The following AZI2 variants were observed in gnomAD, a reference collection of about 807,000 sequenced individuals.
AZI2 encodes 5-azacytidine-induced protein 2.
A neutral mutation model predicts 45.8 loss-of-function variants in AZI2; 22 were observed. That is an observed-to-expected ratio of 0.48 (90% CI 0.34 to 0.69). The LOEUF (loss-of-function observed/expected upper bound fraction) is 0.69, where lower values mean the gene tolerates loss of function less well. AZI2 is among the 30% of genes least tolerant of loss of function. The probability of loss-of-function intolerance (pLI) is 0.01; values close to 1 mark genes in which losing one functional copy is unlikely to be tolerated. For missense variants in AZI2, 417 were observed against 441.5 expected (o/e 0.94, Z 0.50); for synonymous variants, 137 against 156.7 (o/e 0.87, Z 0.94).
At position 28,324,400 on chromosome 3, in the gene AZI2, T is replaced by C; in HGVS notation, c.821A>G (p.His274Arg). Residue 274 changes from histidine to arginine, a missense_variant, in exon 8 of 8, where the codon CAC becomes CGC. By Grantham distance (29) the His-to-Arg change is conservative. Transcript: ENST00000479665. ...GTATGTTGCAGTAAAATTCATCAAGTGCAGTTTTGTGCTGTCTCTTCCAAG... is the reference window on the plus strand; with the variant it reads ...GTATGTTGCAGTAAAATTCATCAAGCGCAGTTTTGTGCTGTCTCTTCCAAG... ...EDLGRDSTKL[H>R]LMNFTATYTR... 1 of 1,546,570 alleles carries C rather than the reference T, an allele frequency of 6.5e-7. No homozygotes were observed. Among genetic ancestry groups the C allele is most frequent in the East Asian group, 2.3e-5 (1 of 44,264 alleles).
At chr3:28,327,064 G>T in intron 6 of AZI2, 114 bp from the exon 7 acceptor site, 1 of 700,888 alleles carries the variant, frequency 1.4e-6, no homozygotes, top group Non-Finnish European at 2.3e-6. Flanking sequence ...TTGAGATGAT[G>T]TAAACTGAAA....
At chr3:28,328,372 G>T (rs1703461305) in intron 6 of AZI2, among the ~76,000 whole-genome samples, 1 of 151,100 alleles carries the variant, frequency 6.6e-6, no homozygotes, top group Non-Finnish European at 1.5e-5. Context: ...TTATATAGCA[G>T]TAAGTGTAAA....
chr3:28,324,103 G>C lies in AZI2; in HGVS notation c.1118C>G (p.Pro373Arg). 6.2e-7 allele frequency: 1 copy of C among 1,610,126 alleles called. No individual in the cohort carries two copies. Among genetic ancestry groups the C allele is most frequent in the Non-Finnish European group, 8.5e-7 (1 of 1,177,324 alleles). ...CAAGTAATGCAGTGGTGGAAGGTTG[G>C]GTAAAGGCAAAGTTTTAGTTTTAGT... ...GETKTKTLPLPNLPPLHYLDQ... is the reference protein window; with the variant it reads ...GETKTKTLPLRNLPPLHYLDQ... Residue 373 changes from proline to arginine, a missense_variant, in exon 8 of 8, where the codon CCC (proline) becomes CGC (arginine). Coordinates refer to ENST00000479665, the MANE Select transcript of AZI2 (RefSeq NM_022461.5).
At chr3:28,331,809 G>T (rs1265441693) in intron 6 of AZI2, 1 of 1,533,116 alleles carries the variant, frequency 6.5e-7, no homozygotes, top group African/African-American at 1.4e-5. Context: ...AAGTAAAAAT[G>T]ATACGTATTT....
At chr3:28,331,290 C>T (rs1209394729) in intron 6 of AZI2, among the ~76,000 whole-genome samples, 1 of 151,138 alleles carries the variant, frequency 6.6e-6, no homozygotes, top group East Asian at 1.9e-4. Context: ...TAAGGGGAAA[C>T]CTAGGTTGAC....
chr3:28,343,718 A>G (rs1293537051), intron 1 of AZI2, among the ~76,000 whole-genome samples: 1 of 152,044 alleles, frequency 6.6e-6, no homozygotes, highest in Non-Finnish European at 1.5e-5. Context: ...CTTAATTAGT[A>G]TGAACCAGGA....
At chr3:28,330,990 C>A (rs1188942767) in intron 6 of AZI2, among the ~76,000 whole-genome samples, 1 of 151,356 alleles carries the variant, frequency 6.6e-6, no homozygotes, top group Non-Finnish European at 1.5e-5. Flanking sequence ...CCTTGGGACT[C>A]AACTTTCCCC....
rs1336740447 is a variant in AZI2, at chr3:28,321,093, A to G, written c.*2949T>C. On this transcript the variant is annotated 3_prime_UTR_variant, in exon 8 of 8. Transcript: ENST00000479665. Reference sequence around the variant, plus strand: ...CAAAAAACTATTTTACTTTTATTTGAAATACAAAGAAACCACATTTTCCCA... The same window carrying G: ...CAAAAAACTATTTTACTTTTATTTGGAATACAAAGAAACCACATTTTCCCA... 1 of 151,352 alleles carries G rather than the reference A, an allele frequency of 6.6e-6. No individual in the cohort carries two copies. The highest frequency in any genetic ancestry group is 1.9e-4 in the East Asian group (1 of 5,154). The allele number at this position is 151,352 out of a possible 1,614,324, so 9.4% of individuals were successfully genotyped here. A position where few individuals can be genotyped will look rare whatever the true frequency, so the allele number is the denominator to read the frequency against.
At position 28,321,187 on chromosome 3, in the gene AZI2, C is replaced by T. The variant is rs1703176048; in HGVS notation, c.*2855G>A. 6.6e-6 allele frequency: 1 copy of T among 151,360 alleles called. No individual in the cohort carries two copies. Among genetic ancestry groups the T allele is most frequent in the Non-Finnish European group, 1.5e-5 (1 of 67,564 alleles). The allele number at this position is 151,360 out of a possible 1,614,324, so 9.4% of individuals were successfully genotyped here. A position where few individuals can be genotyped will look rare whatever the true frequency, so the allele number is the denominator to read the frequency against. ...CAAAGCAAATATAGAAATCTAGAGA[C>T]CACACAGCATAGGGGCAAACATGCC... On this transcript the variant is annotated 3_prime_UTR_variant, in exon 8 of 8. Transcript: ENST00000479665.
Position 28,326,911 on chromosome 3 carries a change from TTC to T in AZI2, c.685_686del (p.Glu229AsnfsTer3). On this transcript the variant is annotated frameshift_variant, in exon 7 of 8. Transcript: ENST00000479665. LOFTEE classifies it high-confidence loss of function. ...MQHAYWELKR[E>X]MSNLHLVTQV... is the part of the protein sequence containing the mutation. Reference sequence around the variant, plus strand: ...GAGTCACCAGATGTAAATTAGACATTTCTCTCTTCAGTTCCCAGTATGCATGC... The same window carrying T: ...GAGTCACCAGATGTAAATTAGACATTTCTCTTCAGTTCCCAGTATGCATGC... 6.2e-7 allele frequency: 1 copy of T among 1,608,222 alleles called. No homozygotes were observed. The highest frequency in any genetic ancestry group is 2.2e-5 in the East Asian group (1 of 44,724).
intron 1 of AZI2, among the ~76,000 whole-genome samples, chr3:28,344,773 T>A (rs1704160287): frequency 1.3e-5 from 2 of 152,150 alleles, no homozygotes; most frequent in South Asian, 4.1e-4. Context: ...AAATAATAAA[T>A]CTTTGTTAGC....
At chr3:28,346,645 C>T (rs1450143720) in intron 1 of AZI2, among the ~76,000 whole-genome samples, 1 of 152,100 alleles carries the variant, frequency 6.6e-6, no homozygotes, top group Non-Finnish European at 1.5e-5. Context: ...TTTTCACCAC[C>T]TTTCTACCTC....
chr3:28,326,489 C>CT (rs5847511), intron 7 of AZI2: 30,770 of 142,072 alleles, frequency 0.22, 3,722 homozygotes, highest in Non-Finnish European at 0.28. Context: ...CTTTTGGTGT[C>CT]TTTTTTTTTT....
chr3:28,342,711 GCACACACA>G (rs71087691), intron 1 of AZI2, among the ~76,000 whole-genome samples: 6,542 of 147,522 alleles, frequency 0.044, 293 homozygotes, highest in African/African-American at 0.12. Flanking sequence ...TCTTACACAT[GCACACACA>G]CACACACACA....
chr3:28,327,006 G>A, intron 6 of AZI2, 56 bp from the exon 7 acceptor site: 1 of 1,217,160 alleles, frequency 8.2e-7, no homozygotes, highest in Non-Finnish European at 1.2e-6. Flanking sequence ...TTAGACAAAA[G>A]GGAATAACTT....
intron 2 of AZI2, among the ~76,000 whole-genome samples, chr3:28,339,911 AG>A (rs1219367733): frequency 6.6e-6 from 1 of 152,190 alleles, no homozygotes; most frequent in Non-Finnish European, 1.5e-5. Context: ...ATACATGGAA[AG>A]GTAAACAGAA....
At chr3:28,345,869 T>C (rs1334203683) in intron 1 of AZI2, among the ~76,000 whole-genome samples, 1 of 151,930 alleles carries the variant, frequency 6.6e-6, no homozygotes, top group African/African-American at 2.4e-5. Flanking sequence ...TATCCTGTCA[T>C]ATTTCATCAT....
At chr3:28,327,343 A>G (rs1703424499) in intron 6 of AZI2, among the ~76,000 whole-genome samples, 1 of 151,122 alleles carries the variant, frequency 6.6e-6, no homozygotes. Flanking sequence ...TCAAATATGG[A>G]TCAATTTGTA....
intron 7 of AZI2, chr3:28,324,833 T>C (rs999682325): frequency 2.5e-5 from 4 of 158,640 alleles, no homozygotes; most frequent in Non-Finnish European, 2.7e-5. Flanking sequence ...GCTCTTATTG[T>C]GGCTGGAGAA....
Sources: allele counts gnomAD v4.1 joint callset (sites outside exome capture counted in the v4.1 genomes callset), GRCh38; gene constraint gnomAD v4.1.1; transcripts MANE v1.5; gene names NCBI Gene and HGNC (gene_info 2026-07-23, HGNC 2026-07-21).